Variants in ADRA2C observed in about 807,000 individuals in gnomAD.
ADRA2C encodes adrenoceptor alpha 2C.
Under a neutral mutation model 7.9 loss-of-function variants are expected in ADRA2C, and 4 were observed. The ratio of observed to expected loss-of-function variants is 0.51; its 90% CI spans 0.25 to 1.16. The LOEUF (loss-of-function observed/expected upper bound fraction) is 1.16, where lower values mean the gene tolerates loss of function less well. Ranked by LOEUF, ADRA2C falls within the 50% of genes most tolerant of loss-of-function variation. ADRA2C has a pLI of 0.15. For synonymous variants in ADRA2C, 368 were observed against 328.9 expected (o/e 1.12, Z -1.29); for missense variants, 589 against 677.7 (o/e 0.87, Z 1.45).
Position 3,767,502 on chromosome 4 carries a change from G to T in ADRA2C, c.896G>T (p.Gly299Val). ...SAAAERRRRR[G>V]ALRRGGRRRA... is the part of the protein sequence containing the mutation. Reference sequence around the variant, plus strand: ...GCGGCCGAGAGGCGGCGGCGCCGGGGCGCGTTGCGGCGGGGCGGGCGGCGG... The same window carrying T: ...GCGGCCGAGAGGCGGCGGCGCCGGGTCGCGTTGCGGCGGGGCGGGCGGCGG... Residue 299 changes from glycine to valine, a missense_variant, in exon 1 of 1, where the codon GGC (glycine) becomes GTC (valine). Gly to Val is a moderately radical substitution (Grantham distance 109). Transcript: ENST00000330055. 9.0e-7 allele frequency: 1 copy of T among 1,107,640 alleles called. No individual in the cohort carries two copies. Among genetic ancestry groups the T allele is most frequent in the Non-Finnish European group, 1.1e-6 (1 of 909,730 alleles). The allele number at this position is 1,107,640 out of a possible 1,614,324, so 68.6% of individuals were successfully genotyped here.
In ADRA2C at chr4:3,766,689, G is replaced by C. The variant is rs768556258; in HGVS notation, c.83G>C (p.Ser28Thr). 2 of 1,427,008 alleles carry C rather than the reference G, an allele frequency of 1.4e-6. No individual in the cohort carries two copies. The highest frequency in any genetic ancestry group is 3.0e-5 in the African/African-American group (2 of 67,520). The allele number at this position is 1,427,008 out of a possible 1,614,324, so 88.4% of individuals were successfully genotyped here. ...GCGAGCGGCGCGGGCGAGAGGGGCA[G>C]CGGCGGGGTTGCCAATGCCTCGGGG... ...PNASGAGERG[S>T]GGVANASGAS... The change falls in exon 1 of 1, where the codon AGC becomes ACC. Residue 28 changes from serine (S) to threonine (T), a missense_variant. Physicochemically the swap from Ser to Thr is moderately conservative, Grantham distance 58. Coordinates refer to ENST00000330055, the MANE Select transcript of ADRA2C (RefSeq NM_000683.4). The surrounding 1 kb of genome is among the most constrained non-coding windows in gnomAD (Gnocchi z 4.5).
rs1388450880 is a variant in ADRA2C, at chr4:3,767,380, G to A, written c.774G>A (p.Pro258=). Residue 258 remains proline (P), a synonymous_variant, in exon 1 of 1, where the codon CCG becomes CCA. Coordinates refer to ENST00000330055, the MANE Select transcript of ADRA2C (RefSeq NM_000683.4). ...RAPVGPDGAS[P]TTENGLGAAA... ...CCGTGGGCCCCGACGGTGCGTCCCC[G>A]ACTACCGAAAACGGGCTGGGCGCGG... is the stretch of plus-strand genomic sequence containing the variant. 3.2e-6 allele frequency: 5 copies of A among 1,538,620 alleles called. No individual in the cohort carries two copies. The highest frequency in any genetic ancestry group is 2.4e-5 in the South Asian group (2 of 83,976).
rs1735478076 is a variant in ADRA2C at position 3,767,536 on chromosome 4, C to T, written c.930C>T (p.Gly310=). The T allele has an allele frequency of 1.7e-5, 17 of 1,017,570 alleles. No homozygotes were observed. The highest frequency in any genetic ancestry group is 2.0e-5 in the Non-Finnish European group (17 of 852,570). 63.0% of individuals were successfully genotyped at this position (1,017,570 alleles called of 1,614,324 possible). The change falls in exon 1 of 1, where the codon GGC becomes GGT. Residue 310 remains glycine, a synonymous_variant. Transcript: ENST00000330055. ...GGCGGGGCGGGCGGCGGCGAGCGGG[C>T]GCGGAGGGGGGCGCGGGCGGTGCGG... is the stretch of plus-strand genomic sequence containing the variant. ...ALRRGGRRRA[G]AEGGAGGADG...
At position 3,768,201 on chromosome 4, in the gene ADRA2C, C is replaced by G. The variant is rs749128845; in HGVS notation, c.*206C>G. On this transcript the variant is annotated 3_prime_UTR_variant, in exon 1 of 1. Transcript: ENST00000330055. ...GAGGGGGAGACCCCTTTGCCTTCCC[C>G]CCTCAGCAAGGGGCTGCTTCTGGGG... The G allele has an allele frequency of 9.6e-6, 7 of 725,954 alleles. No individual in the cohort carries two copies. In the East Asian group the frequency reaches 1.3e-4, roughly 14 times the overall value. 45.0% of individuals were successfully genotyped at this position (725,954 alleles called of 1,614,324 possible).
rs370790767 is a variant in ADRA2C at position 3,767,580 on chromosome 4, C to G, written c.974C>G (p.Pro325Arg). The G allele has an allele frequency of 3.0e-6, 3 of 1,000,006 alleles. No individual in the cohort carries two copies. The highest frequency in any genetic ancestry group is 3.6e-6 in the Non-Finnish European group (3 of 835,372). 61.9% of individuals were successfully genotyped at this position (1,000,006 alleles called of 1,614,324 possible). A position where few individuals can be genotyped will look rare whatever the true frequency, so the allele number is the denominator to read the frequency against. ...AGGADGQGAG[P>R]GAAESGALTA... is the part of the protein sequence containing the mutation. ...GGTGCGGACGGGCAGGGGGCGGGGCCGGGGGCGGCTGAGTCGGGGGCGCTG... is the reference window on the plus strand; with the variant it reads ...GGTGCGGACGGGCAGGGGGCGGGGCGGGGGGCGGCTGAGTCGGGGGCGCTG... The change falls in exon 1 of 1, where the codon CCG (proline) becomes CGG (arginine). Residue 325 changes from proline to arginine, a missense_variant. Physicochemically the swap from Pro to Arg is moderately radical, Grantham distance 103 (BLOSUM62 -2). Transcript: ENST00000330055.
In ADRA2C at chr4:3,767,796, CCTT is replaced by C; in HGVS notation, c.1198_1200del (p.Phe400del). ...GGCGTGTTCGTGCTCTGCTGGTTCC[CCTT>C]CTTCTTCAGCTACAGCCTGTACGGC... is the stretch of plus-strand genomic sequence containing the variant. On this transcript the variant is annotated inframe_deletion, in exon 1 of 1. Coordinates refer to ENST00000330055, the MANE Select transcript of ADRA2C (RefSeq NM_000683.4). The C allele has an allele frequency of 1.2e-5, 20 of 1,613,296 alleles. No homozygotes were observed. Among genetic ancestry groups the C allele is most frequent in the East Asian group, 2.2e-5 (1 of 44,878 alleles).
Position 3,768,398 on chromosome 4 carries a change from C to CG in ADRA2C, c.*409dup. 1 of 633,162 alleles carries CG rather than the reference C, an allele frequency of 1.6e-6. No individual in the cohort carries two copies. Among genetic ancestry groups the CG allele is most frequent in the Non-Finnish European group, 2.9e-6 (1 of 342,894 alleles). The allele number at this position is 633,162 out of a possible 1,614,324, so 39.2% of individuals were successfully genotyped here. On this transcript the variant is annotated 3_prime_UTR_variant, in exon 1 of 1. Coordinates refer to ENST00000330055, the MANE Select transcript of ADRA2C (RefSeq NM_000683.4). ...AGGGCTGACTTCTCCAGGACCTAGT[C>CG]GGGGGGTGGCTGCCAGGGGGCAAGG...
chr4:3,767,182 C>G lies in ADRA2C; in HGVS notation c.576C>G (p.Arg192=). ...ISFPPLVSLY[R]QPDGAAYPQC... ...TCCCGCCGCTGGTCTCGCTCTACCG[C>G]CAGCCCGACGGCGCCGCCTACCCGC... Residue 192 remains arginine (R), a synonymous_variant, in exon 1 of 1, where the codon CGC becomes CGG. Transcript: ENST00000330055. 6.2e-7 allele frequency: 1 copy of G among 1,610,168 alleles called. No individual in the cohort carries two copies. Among genetic ancestry groups the G allele is most frequent in the Non-Finnish European group, 8.5e-7 (1 of 1,179,636 alleles).
chr4:3,767,214 G>C lies in ADRA2C; in HGVS notation c.608G>C (p.Gly203Ala). 6 of 1,610,330 alleles carry C rather than the reference G, an allele frequency of 3.7e-6. No individual in the cohort carries two copies. Among genetic ancestry groups the C allele is most frequent in the Non-Finnish European group, 4.2e-6 (5 of 1,179,216 alleles). ...QPDGAAYPQC[G>A]LNDETWYILS... ...GACGGCGCCGCCTACCCGCAGTGCG[G>C]CCTCAACGACGAGACCTGGTACATC... Residue 203 changes from glycine to alanine, a missense_variant, in exon 1 of 1, where the codon GGC becomes GCC. By Grantham distance (60) the Gly-to-Ala change is moderately conservative. Coordinates refer to ENST00000330055, the MANE Select transcript of ADRA2C (RefSeq NM_000683.4).
rs1448091497 is a variant in ADRA2C, at chr4:3,768,309, C to T, written c.*314C>T. On this transcript the variant is annotated 3_prime_UTR_variant, in exon 1 of 1. Transcript: ENST00000330055. ...TTTTAGAGAGCAGTGGCAGAGGTAG[C>T]CCCCTAAATGGGCAAGCAAGGAGCC... 2.8e-6 allele frequency: 2 copies of T among 716,846 alleles called. No homozygotes were observed. Among genetic ancestry groups the T allele is most frequent in the East Asian group, 5.4e-5 (2 of 37,274 alleles). 44.4% of individuals were successfully genotyped at this position (716,846 alleles called of 1,614,324 possible).
In ADRA2C at chr4:3,766,702, C is replaced by G; in HGVS notation, c.96C>G (p.Ala32=). ...GCGAGAGGGGCAGCGGCGGGGTTGC[C>G]AATGCCTCGGGGGCTTCCTGGGGGC... ...GAGERGSGGV[A]NASGASWGPP... The change falls in exon 1 of 1, where the codon GCC becomes GCG. Residue 32 remains alanine, a synonymous_variant. Coordinates refer to ENST00000330055, the MANE Select transcript of ADRA2C (RefSeq NM_000683.4). This position sits in a 1 kb window ranked among gnomAD's most constrained non-coding sequence, Gnocchi z 4.5. 1 of 1,437,142 alleles carries G rather than the reference C, an allele frequency of 7.0e-7. No individual in the cohort carries two copies. 89.0% of individuals were successfully genotyped at this position (1,437,142 alleles called of 1,614,324 possible).
chr4:3,767,118 C>T lies in ADRA2C; in HGVS notation c.512C>T (p.Thr171Ile), dbSNP rs928546202. ...LKRTPRRVKA[T>I]IVAVWLISAV... ...CGCACACCACGCCGCGTCAAGGCCA[C>T]CATCGTGGCCGTGTGGCTCATCTCG... Residue 171 changes from threonine (T) to isoleucine (I), a missense_variant, in exon 1 of 1, where the codon ACC (threonine) becomes ATC (isoleucine). Physicochemically the swap from Thr to Ile is moderately conservative, Grantham distance 89. Coordinates refer to ENST00000330055, the MANE Select transcript of ADRA2C (RefSeq NM_000683.4). The T allele has an allele frequency of 1.9e-6, 3 of 1,609,158 alleles. No homozygotes were observed. The highest frequency in any genetic ancestry group is 1.6e-4 in the Middle Eastern group (1 of 6,062).
Position 3,767,797 on chromosome 4 carries a change from C to A in ADRA2C, c.1191C>A (p.Pro397=). Reference sequence around the variant, plus strand: ...GCGTGTTCGTGCTCTGCTGGTTCCCCTTCTTCTTCAGCTACAGCCTGTACG... The same window carrying A: ...GCGTGTTCGTGCTCTGCTGGTTCCCATTCTTCTTCAGCTACAGCCTGTACG... ...VMGVFVLCWF[P]FFFSYSLYGI... The change falls in exon 1 of 1, where the codon CCC becomes CCA. Residue 397 remains proline (P), a synonymous_variant. Coordinates refer to ENST00000330055, the MANE Select transcript of ADRA2C (RefSeq NM_000683.4). 1 of 1,613,248 alleles carries A rather than the reference C, an allele frequency of 6.2e-7. No individual in the cohort carries two copies.
Position 3,767,824 on chromosome 4 carries a change from C to G in ADRA2C, c.1218C>G (p.Gly406=). ...TCTTCTTCAGCTACAGCCTGTACGG[C>G]ATCTGCCGCGAGGCCTGCCAGGTGC... ...FPFFFSYSLY[G]ICREACQVPG... The change falls in exon 1 of 1, where the codon GGC becomes GGG. Residue 406 remains glycine, a synonymous_variant. Coordinates refer to ENST00000330055, the MANE Select transcript of ADRA2C (RefSeq NM_000683.4). 2.5e-6 allele frequency: 4 copies of G among 1,613,226 alleles called. No individual in the cohort carries two copies. The East Asian group carries it at 6.7e-5, about 27-fold the overall frequency.
At position 3,767,233 on chromosome 4, in the gene ADRA2C, G is replaced by A; in HGVS notation, c.627G>A (p.Trp209Ter). The A allele has an allele frequency of 1.2e-6, 2 of 1,610,346 alleles. No homozygotes were observed. The highest frequency in any genetic ancestry group is 1.7e-6 in the Non-Finnish European group (2 of 1,179,098). Residue 209 changes from tryptophan (W) to a stop codon, truncating the protein, a stop_gained, in exon 1 of 1, where the codon TGG (tryptophan) becomes TGA (stop). Transcript: ENST00000330055. LOFTEE classifies it low-confidence loss of function (END_TRUNC). Reference protein sequence around the residue: ...YPQCGLNDETWYILSSCIGSF... With the variant: ...YPQCGLNDET ...AGTGCGGCCTCAACGACGAGACCTG[G>A]TACATCCTGTCCTCCTGCATCGGCT...
rs1735472362 is a variant in ADRA2C, at chr4:3,767,383, T to C, written c.777T>C (p.Thr259=). The change falls in exon 1 of 1, where the codon ACT becomes ACC. Residue 259 remains threonine (T), a synonymous_variant. Coordinates refer to ENST00000330055, the MANE Select transcript of ADRA2C (RefSeq NM_000683.4). ...TGGGCCCCGACGGTGCGTCCCCGAC[T>C]ACCGAAAACGGGCTGGGCGCGGCGG... is the stretch of plus-strand genomic sequence containing the variant. The part of the protein sequence containing the change: ...APVGPDGASP[T]TENGLGAAAG... The C allele has an allele frequency of 6.5e-7, 1 of 1,537,466 alleles. No homozygotes were observed. Among genetic ancestry groups the C allele is most frequent in the Non-Finnish European group, 8.7e-7 (1 of 1,145,936 alleles).
chr4:3,768,332 G>GC lies in ADRA2C; in HGVS notation c.*343dup, dbSNP rs1420818491. 1.8e-5 allele frequency: 13 copies of GC among 716,016 alleles called. No homozygotes were observed. Among genetic ancestry groups the GC allele is most frequent in the Non-Finnish European group, 2.9e-5 (11 of 384,502 alleles). 44.4% of individuals were successfully genotyped at this position (716,016 alleles called of 1,614,324 possible). A position where few individuals can be genotyped will look rare whatever the true frequency, so the allele number is the denominator to read the frequency against. The stretch of plus-strand genomic sequence containing the variant: ...AGCCCCCTAAATGGGCAAGCAAGGA[G>GC]CCCCCCAAAGACACTACCACTCCCC... On this transcript the variant is annotated 3_prime_UTR_variant, in exon 1 of 1. Transcript: ENST00000330055.
chr4:3,767,821 C>G lies in ADRA2C; in HGVS notation c.1215C>G (p.Tyr405Ter). Residue 405 changes from tyrosine to a stop codon, truncating the protein, a stop_gained, in exon 1 of 1, where the codon TAC (tyrosine) becomes TAG (stop). Coordinates refer to ENST00000330055, the MANE Select transcript of ADRA2C (RefSeq NM_000683.4). LOFTEE classifies it high-confidence loss of function. The part of the protein sequence containing the change: ...WFPFFFSYSL[Y>*]GICREACQVP... Reference sequence around the variant, plus strand: ...CCTTCTTCTTCAGCTACAGCCTGTACGGCATCTGCCGCGAGGCCTGCCAGG... The same window carrying G: ...CCTTCTTCTTCAGCTACAGCCTGTAGGGCATCTGCCGCGAGGCCTGCCAGG... 1 of 1,613,208 alleles carries G rather than the reference C, an allele frequency of 6.2e-7. No homozygotes were observed. Among genetic ancestry groups the G allele is most frequent in the Non-Finnish European group, 8.5e-7 (1 of 1,179,872 alleles).
At position 3,767,301 on chromosome 4, in the gene ADRA2C, G is replaced by GC; in HGVS notation, c.696dup (p.Ile233HisfsTer97). On this transcript the variant is annotated frameshift_variant, in exon 1 of 1. Coordinates refer to ENST00000330055, the MANE Select transcript of ADRA2C (RefSeq NM_000683.4). LOFTEE classifies it low-confidence loss of function (END_TRUNC). ...CTCATCATGGGCCTGGTCTACGCGC[G>GC]CATCTACCGAGTGGCCAAGCTGCGC... 6.3e-7 allele frequency: 1 copy of GC among 1,594,488 alleles called. No homozygotes were observed. Among genetic ancestry groups the GC allele is most frequent in the Non-Finnish European group, 8.5e-7 (1 of 1,171,826 alleles).
Sources: gnomAD v4.1 joint callset for allele counts on GRCh38, gnomAD v4.1.1 for gene constraint, Gnocchi (gnomAD v3.1) non-coding constraint, MANE v1.5 for transcripts, NCBI Gene and HGNC (gene_info 2026-07-23, HGNC 2026-07-21) for gene names.